The following OXCT1 variants were observed in gnomAD, a reference collection of about 807,000 sequenced individuals.
OXCT1 encodes 3-oxoacid CoA-transferase 1.
OXCT1 carries 27 observed loss-of-function variants against 69.6 expected under a neutral mutation model. The ratio of observed to expected loss-of-function variants is 0.39; its 90% CI spans 0.29 to 0.54. OXCT1 has a LOEUF of 0.54. Among genes scored for constraint, OXCT1 ranks in the 20% least tolerant of loss-of-function variants. OXCT1 has a pLI of 0.72. For missense variants in OXCT1, 437 were observed against 650.2 expected (o/e 0.67, Z 3.57); for synonymous variants, 202 against 217.8 (o/e 0.93, Z 0.64).
intron 1 of OXCT1, among the ~76,000 whole-genome samples, chr5:41,869,155 A>T (rs1561143047): frequency 6.6e-6 from 1 of 152,202 alleles, no homozygotes; most frequent in African/African-American, 2.4e-5. Flanking sequence ...ATTTAAGAGT[A>T]AAATGGTCCA....
rs556476280 is a variant in OXCT1 at position 41,805,816 on chromosome 5, A to T, written c.841-135T>A. On this transcript the variant is annotated intron_variant, in intron 8 of 16. Coordinates refer to ENST00000196371, the MANE Select transcript of OXCT1 (RefSeq NM_000436.4). Reference sequence around the variant, plus strand: ...GAGACAAATCTGCAATATACCAGATATTTAAAAAATACTATGGGTGATATT... The same window carrying T: ...GAGACAAATCTGCAATATACCAGATTTTTAAAAAATACTATGGGTGATATT... 4 of 679,288 alleles carry T rather than the reference A, an allele frequency of 5.9e-6. No individual in the cohort carries two copies. The African/African-American group carries it at 7.2e-5, about 12-fold the overall frequency. 42.1% of individuals were successfully genotyped at this position (679,288 alleles called of 1,614,324 possible). A position where few individuals can be genotyped will look rare whatever the true frequency, so the allele number is the denominator to read the frequency against.
chr5:41,797,255 A>G (rs1466047831), intron 11 of OXCT1, among the ~76,000 whole-genome samples: 1 of 152,210 alleles, frequency 6.6e-6, no homozygotes, highest in Non-Finnish European at 1.5e-5. Flanking sequence ...AGAGCTTTGG[A>G]TCTCCCTATA....
At chr5:41,854,821 T>C (rs889632200) in intron 3 of OXCT1, among the ~76,000 whole-genome samples, 1 of 152,134 alleles carries the variant, frequency 6.6e-6, no homozygotes, top group South Asian at 2.1e-4. Context: ...AGAACTCTCA[T>C]ATGTGCCAAG....
At chr5:41,839,761 T>A (rs2112396990) in intron 7 of OXCT1, among the ~76,000 whole-genome samples, 1 of 152,060 alleles carries the variant, frequency 6.6e-6, no homozygotes, top group South Asian at 2.1e-4. Flanking sequence ...CCAATAGGGG[T>A]CCTATAAAGC....
intron 16 of OXCT1, among the ~76,000 whole-genome samples, chr5:41,737,366 T>A (rs6895810): frequency 0.013 from 1,950 of 152,350 alleles, 36 homozygotes; most frequent in African/African-American, 0.042. Flanking sequence ...AAACTCATAT[T>A]TTCATTCCTT....
At chr5:41,743,789 T>C (rs1241564869) in intron 15 of OXCT1, among the ~76,000 whole-genome samples, 2 of 152,252 alleles carry the variant, frequency 1.3e-5, no homozygotes, top group Non-Finnish European at 2.9e-5. Flanking sequence ...CAGATAGTTG[T>C]ACATATGTGG....
intron 9 of OXCT1, among the ~76,000 whole-genome samples, chr5:41,804,676 A>T (rs1044504734): frequency 6.6e-6 from 1 of 152,080 alleles, no homozygotes; most frequent in African/African-American, 2.4e-5. Flanking sequence ...CCATAACACA[A>T]GGTATAAACT....
intron 7 of OXCT1, among the ~76,000 whole-genome samples, chr5:41,831,320 CA>C (rs1220758780): frequency 5.3e-5 from 8 of 152,286 alleles, no homozygotes; most frequent in African/African-American, 1.9e-4. Flanking sequence ...CAGTTAGCTG[CA>C]AATCTAGCTT....
intron 9 of OXCT1, 51 bp from the exon 10 acceptor site, chr5:41,803,214 A>G (rs1354407799): frequency 8.2e-7 from 1 of 1,213,570 alleles, no homozygotes; most frequent in South Asian, 1.2e-5. Context: ...GAGAAGTTAT[A>G]CCATAAATCT....
chr5:41,813,255 G>C (rs907901026), intron 7 of OXCT1, among the ~76,000 whole-genome samples: 4 of 151,984 alleles, frequency 2.6e-5, no homozygotes, highest in African/African-American at 9.7e-5. Flanking sequence ...TGGCAAGGAA[G>C]AAAACAGAAA....
chr5:41,827,439 A>G (rs914009632), intron 7 of OXCT1, among the ~76,000 whole-genome samples: 3 of 152,070 alleles, frequency 2.0e-5, no homozygotes, highest in African/African-American at 4.8e-5. Context: ...TTCTCCTCCA[A>G]CTTCACCTGG....
chr5:41,822,516 T>C (rs527962065), intron 7 of OXCT1, among the ~76,000 whole-genome samples: 1 of 152,292 alleles, frequency 6.6e-6, no homozygotes, highest in East Asian at 1.9e-4. Flanking sequence ...TTTCACTCTT[T>C]TGCCCAGGCT....
intron 7 of OXCT1, among the ~76,000 whole-genome samples, chr5:41,832,565 C>A (rs1170279317): frequency 6.6e-6 from 1 of 152,056 alleles, no homozygotes; most frequent in East Asian, 1.9e-4. Flanking sequence ...CAAGACAAGA[C>A]CACAAAGACT....
chr5:41,747,904 C>T (rs923679799), intron 15 of OXCT1, among the ~76,000 whole-genome samples: 13 of 152,032 alleles, frequency 8.6e-5, no homozygotes, highest in East Asian at 1.9e-4. Context: ...TAGCATCTGG[C>T]GTGTGTCTCC....
chr5:41,806,185 T>A (rs1437789122), intron 8 of OXCT1, among the ~76,000 whole-genome samples: 1 of 152,080 alleles, frequency 6.6e-6, no homozygotes, highest in African/African-American at 2.4e-5. Flanking sequence ...GGAAACTATT[T>A]CCTCTATTAA....
chr5:41,813,587 T>C lies in OXCT1; in HGVS notation c.733-6149A>G, dbSNP rs1579792594. ...GTCAACATATTTACAAGGCTTTAAATGAAGATAAGGAAGTCAGCATTATAG... is the reference window on the plus strand; with the variant it reads ...GTCAACATATTTACAAGGCTTTAAACGAAGATAAGGAAGTCAGCATTATAG... On this transcript the variant is annotated intron_variant, in intron 7 of 16. Coordinates refer to ENST00000196371, the MANE Select transcript of OXCT1 (RefSeq NM_000436.4). Among the ~76,000 whole-genome samples, 3 of 152,080 alleles carry C rather than the reference T, an allele frequency of 2.0e-5. No individual in the cohort carries two copies. The South Asian group carries it at 6.2e-4, about 31-fold the overall frequency.
At chr5:41,828,287 T>G (rs1453948150) in intron 7 of OXCT1, among the ~76,000 whole-genome samples, 2 of 151,554 alleles carry the variant, frequency 1.3e-5, no homozygotes, top group East Asian at 2.0e-4. Flanking sequence ...TTTTTTTTTT[T>G]GCATTTTTAG....
intron 2 of OXCT1, 137 bp from the exon 3 acceptor site, chr5:41,861,541 T>G: frequency 1.4e-6 from 1 of 704,346 alleles, no homozygotes; most frequent in South Asian, 1.5e-5. Flanking sequence ...CACAGATATA[T>G]CTCAGCAGCT....
chr5:41,754,910 A>C (rs1743983576), intron 14 of OXCT1, among the ~76,000 whole-genome samples: 1 of 152,098 alleles, frequency 6.6e-6, no homozygotes, highest in African/African-American at 2.4e-5. Context: ...AACGGTCTTC[A>C]GGGTTTTGAG....
Sources: gnomAD v4.1 joint callset for allele counts (sites outside exome capture counted in the v4.1 genomes callset) on GRCh38, gnomAD v4.1.1 for gene constraint, MANE v1.5 for transcripts, NCBI Gene and HGNC (gene_info 2026-07-23, HGNC 2026-07-21) for gene names.